The following TXNL1 variants were observed in gnomAD, a reference collection of about 807,000 sequenced individuals.
TXNL1 encodes thioredoxin like 1, also known as thioredoxin-like protein 1.
Under a neutral mutation model 35.5 loss-of-function variants are expected in TXNL1, and 14 were observed. The ratio of observed to expected loss-of-function variants is 0.39; its 90% confidence interval spans 0.26 to 0.62. The LOEUF (loss-of-function observed/expected upper bound fraction) is 0.62. Among genes scored for constraint, TXNL1 ranks in the 20% least tolerant of loss-of-function variants. TXNL1 has a pLI of 0.47. For missense variants in TXNL1, 263 were observed against 349.7 expected (o/e 0.75, Z 1.98); for synonymous variants, 110 against 115.5 (o/e 0.95, Z 0.31).
chr18:56,633,818 T>C (rs1054487163), intron 1 of TXNL1, among the ~76,000 whole-genome samples: 11 of 151,418 alleles, frequency 7.3e-5, no homozygotes, highest in African/African-American at 2.7e-4. Context: ...ACCCCGTCTC[T>C]ACTAAAAATA....
intron 2 of TXNL1, 38 bp downstream of exon 2, chr18:56,626,323 A>G: frequency 6.3e-7 from 1 of 1,579,386 alleles, no homozygotes; most frequent in Non-Finnish European, 8.6e-7. Context: ...AATTTATTCA[A>G]AAGTAAATTA....
intron 3 of TXNL1, among the ~76,000 whole-genome samples, chr18:56,623,257 G>A (rs975385665): frequency 2.6e-5 from 4 of 152,016 alleles, no homozygotes; most frequent in African/African-American, 9.7e-5. Context: ...GTGAAACCTC[G>A]TCTCTACGAA....
intron 3 of TXNL1, among the ~76,000 whole-genome samples, chr18:56,621,207 T>A (rs2024177559): frequency 8.8e-6 from 1 of 113,266 alleles, no homozygotes; most frequent in Non-Finnish European, 2.1e-5. Flanking sequence ...TATATGTATT[T>A]TTTTTTTTTT....
intron 1 of TXNL1, among the ~76,000 whole-genome samples, chr18:56,637,589 C>T (rs1248504291): frequency 1.3e-5 from 2 of 152,030 alleles, no homozygotes; most frequent in East Asian, 3.8e-4. Context: ...TGATATTTAC[C>T]AAAGACAGTT....
At chr18:56,636,613 G>GAT (rs1366246282) in intron 1 of TXNL1, among the ~76,000 whole-genome samples, 83 of 152,204 alleles carry the variant, frequency 5.5e-4, no homozygotes, top group African/African-American at 1.9e-3. Flanking sequence ...AAATGTAACA[G>GAT]TTCCTTACCA....
In TXNL1 at chr18:56,638,521, G is replaced by A; in HGVS notation, c.-81C>T. On this transcript the variant is annotated 5_prime_UTR_variant, in exon 1 of 8. Transcript: ENST00000217515. Reference sequence around the variant, plus strand: ...AGAAGACGATCTGGGAGAGGAAGGAGAGATGCTCAGGAAGGCCGAGGCCTG... The same window carrying A: ...AGAAGACGATCTGGGAGAGGAAGGAAAGATGCTCAGGAAGGCCGAGGCCTG... 2.1e-6 allele frequency: 3 copies of A among 1,438,796 alleles called. No individual in the cohort carries two copies. Among genetic ancestry groups the A allele is most frequent in the South Asian group, 1.2e-5 (1 of 80,526 alleles). 89.1% of individuals were successfully genotyped at this position (1,438,796 alleles called of 1,614,324 possible).
chr18:56,611,987 T>C (rs939745768), intron 6 of TXNL1, among the ~76,000 whole-genome samples: 1 of 149,330 alleles, frequency 6.7e-6, no homozygotes, highest in African/African-American at 2.5e-5. Flanking sequence ...GAGGGGGGAC[T>C]ACAGGCACAT....
intron 7 of TXNL1, chr18:56,608,306 A>C (rs1393423787): frequency 6.6e-6 from 1 of 152,264 alleles, no homozygotes; most frequent in Non-Finnish European, 1.5e-5. Context: ...TACTTTGTAC[A>C]ATATAAAAAC....
At position 56,614,573 on chromosome 18, in the gene TXNL1, T is replaced by G. The variant is rs758251810; in HGVS notation, c.586A>C (p.Ile196Leu). The change falls in exon 6 of 8, where the codon ATT becomes CTT. Residue 196 changes from isoleucine to leucine, a missense_variant. By Grantham distance (5) the Ile-to-Leu change is conservative. Coordinates refer to ENST00000217515, the MANE Select transcript of TXNL1 (RefSeq NM_004786.3). ...DNGQGPKYVK[I>L]FINLPRSMDF... ...ATAGATCGGGGTAGGTTGATAAAAA[T>G]TTTTACATATTTAGGGCCCTGACCT... The G allele has an allele frequency of 7.4e-6, 12 of 1,613,128 alleles. No individual in the cohort carries two copies. Among genetic ancestry groups the G allele is most frequent in the Non-Finnish European group, 9.3e-6 (11 of 1,179,788 alleles).
intron 7 of TXNL1, chr18:56,604,602 T>G (rs1044179824): frequency 3.3e-5 from 5 of 152,162 alleles, no homozygotes; most frequent in Admixed American, 6.6e-5. Flanking sequence ...ACATAAAAAT[T>G]AGGTGTAAAA....
At chr18:56,629,893 C>A (rs1023834440) in intron 1 of TXNL1, among the ~76,000 whole-genome samples, 2 of 151,986 alleles carry the variant, frequency 1.3e-5, no homozygotes, top group African/African-American at 4.8e-5. Context: ...GTAACAAGAT[C>A]AGTAAGAAAG....
chr18:56,627,213 T>C (rs942452432), intron 1 of TXNL1, among the ~76,000 whole-genome samples: 4 of 152,116 alleles, frequency 2.6e-5, no homozygotes. Flanking sequence ...TCATAACTAA[T>C]AGTGTTAAGT....
intron 2 of TXNL1, 29 bp downstream of exon 2, chr18:56,626,332 T>C (rs906918095): frequency 2.5e-6 from 4 of 1,579,616 alleles, no homozygotes; most frequent in Non-Finnish European, 3.4e-6. Context: ...AAAAGTAAAT[T>C]AAAAAGAAAA....
chr18:56,627,902 T>C (rs1429190379), intron 1 of TXNL1, among the ~76,000 whole-genome samples: 1 of 149,652 alleles, frequency 6.7e-6, no homozygotes, highest in Non-Finnish European at 1.5e-5. Context: ...TTTGATAAAC[T>C]GGAAGATTAA....
At chr18:56,626,754 C>G (rs1288220774) in intron 1 of TXNL1, among the ~76,000 whole-genome samples, 1 of 142,728 alleles carries the variant, frequency 7.0e-6, no homozygotes, top group Non-Finnish European at 1.5e-5. Flanking sequence ...GCCTTGGCCC[C>G]TCCCAAAGTG....
chr18:56,615,861 T>C (rs1190333078), intron 5 of TXNL1, among the ~76,000 whole-genome samples: 1 of 152,136 alleles, frequency 6.6e-6, no homozygotes, highest in Non-Finnish European at 1.5e-5. Context: ...CCAGGTGCGG[T>C]GCTCATGCCT....
intron 7 of TXNL1, chr18:56,609,883 A>G (rs1005697645): frequency 6.6e-6 from 1 of 152,264 alleles, no homozygotes; most frequent in Non-Finnish European, 1.5e-5. Flanking sequence ...ACGCTATGAG[A>G]CAGGAAAATA....
chr18:56,602,765 A>G lies in TXNL1; in HGVS notation c.*262T>C. On this transcript the variant is annotated 3_prime_UTR_variant, in exon 8 of 8. Coordinates refer to ENST00000217515, the MANE Select transcript of TXNL1 (RefSeq NM_004786.3). ...CACTTAAGTCTCTACTAAAATCAGAAGTTAACCAGTTTTCAAATACATGGA... is the reference window on the plus strand; with the variant it reads ...CACTTAAGTCTCTACTAAAATCAGAGGTTAACCAGTTTTCAAATACATGGA... The G allele has an allele frequency of 1.8e-6, 1 of 550,872 alleles. No individual in the cohort carries two copies. The highest frequency in any genetic ancestry group is 3.1e-5 in the East Asian group (1 of 32,032). 34.1% of individuals were successfully genotyped at this position (550,872 alleles called of 1,614,324 possible).
At chr18:56,624,200 GATGGAAACATAGTTATATTTC>G in intron 3 of TXNL1, 67 bp downstream of exon 3, 1 of 1,354,598 alleles carries the variant, frequency 7.4e-7, no homozygotes, top group South Asian at 1.6e-5. Flanking sequence ...AGAGATAGAA[GATGGAAACATAGTTATATTTC>G]ATTTTAGCCC....
Sources: gnomAD v4.1 joint callset for allele counts (sites outside exome capture counted in the v4.1 genomes callset) on GRCh38, gnomAD v4.1.1 for gene constraint, MANE v1.5 for transcripts, NCBI Gene and HGNC (gene_info 2026-07-23, HGNC 2026-07-21) for gene names.